PRDM10: variants seen among roughly 807,000 people sequenced by gnomAD.
The protein encoded by PRDM10 is PR domain zinc finger protein 10.
A neutral mutation model predicts 133.1 loss-of-function variants in PRDM10; 65 were observed. The observed-to-expected ratio is 0.49, with a 90% confidence interval of 0.40 to 0.60. The LOEUF is 0.60. Ranked by LOEUF, PRDM10 falls within the 20% of genes least tolerant of loss-of-function variation. PRDM10 has a pLI of 0.00. For synonymous variants in PRDM10, 582 were observed against 580.4 expected (o/e 1.00, Z -0.04); for missense variants, 1,137 against 1,507.1 (o/e 0.75, Z 4.07).
At chr11:130,002,565 C>A (rs375018911) in intron 1 of PRDM10, among the ~76,000 whole-genome samples, 157 bp downstream of exon 1, 2 of 152,088 alleles carry the variant, frequency 1.3e-5, no homozygotes, top group African/African-American at 4.8e-5. Flanking sequence ...CCCCCCCCAC[C>A]CGGGTCCGCG....
At chr11:129,904,226 T>C (rs541238015) in intron 20 of PRDM10, among the ~76,000 whole-genome samples, 1 of 151,730 alleles carries the variant, frequency 6.6e-6, no homozygotes, top group South Asian at 2.1e-4. Context: ...AGCTACCCTC[T>C]GAAACCTCTT....
At chr11:129,998,687 G>T (rs1219085964) in intron 1 of PRDM10, among the ~76,000 whole-genome samples, 1 of 151,348 alleles carries the variant, frequency 6.6e-6, no homozygotes, top group Non-Finnish European at 1.5e-5. Context: ...CTACCTTCAG[G>T]TGCTTTCTAC....
intron 1 of PRDM10, among the ~76,000 whole-genome samples, chr11:129,999,089 C>CT (rs1267473648): frequency 1.3e-5 from 2 of 152,034 alleles, no homozygotes; most frequent in African/African-American, 2.4e-5. Context: ...TCCCAGAGTA[C>CT]TGGGATTACA....
chr11:129,923,804 C>T lies in PRDM10; in HGVS notation c.1879-401G>A, dbSNP rs982200398. Among the ~76,000 whole-genome samples, 3 of 152,146 alleles carry T rather than the reference C, an allele frequency of 2.0e-5. No individual in the cohort carries two copies. Among genetic ancestry groups the T allele is most frequent in the Non-Finnish European group, 2.9e-5 (2 of 68,032 alleles). On this transcript the variant is annotated intron_variant, in intron 12 of 20. Transcript: ENST00000360871. The surrounding 1 kb of genome is among the most constrained non-coding windows in gnomAD (Gnocchi z 4.4). ...TTGCTAAAAAGGATCTATAGGAAGA[C>T]AAAAACCAATTCTTCCTTACTTTTC... is the stretch of plus-strand genomic sequence containing the variant.
chr11:129,961,147 T>A, intron 1 of PRDM10, 65 bp from the exon 2 acceptor site: 1 of 482,456 alleles, frequency 2.1e-6, no homozygotes, highest in Non-Finnish European at 3.6e-6. Flanking sequence ...ATATTATAAT[T>A]TCAACCACAA....
chr11:129,974,022 C>G (rs1937631971), intron 1 of PRDM10, among the ~76,000 whole-genome samples: 1 of 152,248 alleles, frequency 6.6e-6, no homozygotes, highest in Admixed American at 6.5e-5. Flanking sequence ...ACTGGAGCCA[C>G]CCAGCCCGGC....
At chr11:129,929,504 A>G (rs1950783716) in intron 11 of PRDM10, 2 of 1,251,980 alleles carry the variant, frequency 1.6e-6, no homozygotes, top group Admixed American at 4.8e-5. Flanking sequence ...GTCATTACCA[A>G]TCTGGATAGA....
At chr11:129,951,740 T>C (rs1951587161) in intron 4 of PRDM10, among the ~76,000 whole-genome samples, 1 of 152,160 alleles carries the variant, frequency 6.6e-6, no homozygotes, top group Non-Finnish European at 1.5e-5. Context: ...CAGGGCAGCA[T>C]ATTTTCCTCT....
intron 12 of PRDM10, 54 bp downstream of exon 12, chr11:129,924,828 G>T: frequency 6.7e-7 from 1 of 1,487,372 alleles, no homozygotes; most frequent in Non-Finnish European, 9.0e-7. Context: ...AAAAATCGAA[G>T]TTTCTTTTAC....
chr11:129,914,142 C>T (rs1384746049), intron 17 of PRDM10, among the ~76,000 whole-genome samples: 1 of 152,164 alleles, frequency 6.6e-6, no homozygotes, highest in African/African-American at 2.4e-5. Flanking sequence ...GCTGGGATTA[C>T]AGGCATCCGC....
At chr11:129,995,931 G>A (rs1188420304) in intron 1 of PRDM10, among the ~76,000 whole-genome samples, 1 of 151,630 alleles carries the variant, frequency 6.6e-6, no homozygotes, top group Non-Finnish European at 1.5e-5. Flanking sequence ...GGGCAACAGA[G>A]CGGGACTCTG....
chr11:129,905,490 A>ATAATGCCCAAGACCTAGCTTTCAAAG lies in PRDM10; in HGVS notation c.3267+122_3267+147dup, dbSNP rs1350564187. The stretch of plus-strand genomic sequence containing the variant: ...TGGACAGGGCACTGAGGATAAAGTG[A>ATAATGCCCAAGACCTAGCTTTCAAAG]TAATGCCCAAGACCTAGCTTTCAAA... On this transcript the variant is annotated intron_variant, in intron 20 of 20. Transcript: ENST00000360871. 58 of 673,326 alleles carry ATAATGCCCAAGACCTAGCTTTCAAAG rather than the reference A, an allele frequency of 8.6e-5. No homozygotes were observed. In the African/African-American group the frequency reaches 1.0e-3, roughly 12 times the overall value. 41.7% of individuals were successfully genotyped at this position (673,326 alleles called of 1,614,324 possible).
intron 7 of PRDM10, among the ~76,000 whole-genome samples, chr11:129,940,817 T>C (rs1951182598): frequency 6.6e-6 from 1 of 152,262 alleles, no homozygotes; most frequent in Admixed American, 6.5e-5. Flanking sequence ...GTTGAACCTT[T>C]TAATGTGTAT....
At chr11:129,914,631 C>T (rs1308247744) in intron 17 of PRDM10, 73 bp downstream of exon 17, 3 of 1,582,926 alleles carry the variant, frequency 1.9e-6, no homozygotes, top group African/African-American at 2.7e-5. Flanking sequence ...AGATCCCAGC[C>T]CCAGCTCTGA....
intron 4 of PRDM10, among the ~76,000 whole-genome samples, chr11:129,954,501 T>C (rs534309664): frequency 2.3e-4 from 35 of 152,058 alleles, no homozygotes; most frequent in South Asian, 4.2e-4. Flanking sequence ...CTGACCTCAA[T>C]TGATCCGCCC....
intron 7 of PRDM10, among the ~76,000 whole-genome samples, chr11:129,942,201 T>C (rs1318159040): frequency 6.6e-6 from 1 of 152,192 alleles, no homozygotes; most frequent in African/African-American, 2.4e-5. Flanking sequence ...CGGCTTCACA[T>C]AGGCCCTTTG....
chr11:129,971,573 A>T (rs991286226), intron 1 of PRDM10, among the ~76,000 whole-genome samples: 5 of 151,766 alleles, frequency 3.3e-5, no homozygotes, highest in Non-Finnish European at 7.4e-5. Flanking sequence ...GAGTGCCCAT[A>T]GGTGTATTTA....
intron 13 of PRDM10, among the ~76,000 whole-genome samples, chr11:129,920,597 A>G (rs73016850): frequency 0.082 from 12,440 of 151,206 alleles, 564 homozygotes; most frequent in Admixed American, 0.13. Context: ...CTCTTGCCAC[A>G]CCCTCCATCA....
intron 1 of PRDM10, among the ~76,000 whole-genome samples, chr11:129,985,973 G>C (rs1300945717): frequency 6.6e-6 from 1 of 151,648 alleles, no homozygotes; most frequent in Non-Finnish European, 1.5e-5. Context: ...TGCAAGATTA[G>C]TCCCAGTGCT....
Sources: gnomAD v4.1 joint callset for allele counts (sites outside exome capture counted in the v4.1 genomes callset) on GRCh38, gnomAD v4.1.1 for gene constraint, Gnocchi (gnomAD v3.1) non-coding constraint, MANE v1.5 for transcripts, NCBI Gene and HGNC (gene_info 2026-07-23, HGNC 2026-07-21) for gene names.